LMAN2: variants seen among roughly 807,000 people sequenced by gnomAD.
The protein encoded by LMAN2 is vesicular integral-membrane protein VIP36.
Under a neutral mutation model 39.3 loss-of-function variants are expected in LMAN2, and 22 were observed. The ratio of observed to expected loss-of-function variants is 0.56; its 90% CI spans 0.40 to 0.80. The LOEUF is 0.80. Ranked by LOEUF, LMAN2 falls within the 30% of genes least tolerant of loss-of-function variation. The pLI is 0.00. For synonymous variants in LMAN2, 207 were observed against 207.8 expected (o/e 1.00, Z 0.03); for missense variants, 494 against 505.4 (o/e 0.98, Z 0.22).
chr5:177,347,732 ACAT>A (rs1232349030), intron 2 of LMAN2, among the ~76,000 whole-genome samples: 1 of 152,192 alleles, frequency 6.6e-6, no homozygotes, highest in Admixed American at 6.5e-5. Context: ...GTCAGCCGAA[ACAT>A]CATCAAAAAT....
In LMAN2 at chr5:177,351,237, G is replaced by A; in HGVS notation, c.251C>T (p.Thr84Met). The change falls in exon 2 of 8, where the codon ACG becomes ATG. Residue 84 changes from threonine to methionine, a missense_variant. Coordinates refer to ENST00000303127, the MANE Select transcript of LMAN2 (RefSeq NM_006816.3). Reference protein sequence around the residue: ...LWDFQGSTMLTSQYVRLTPDE... With the variant: ...LWDFQGSTMLMSQYVRLTPDE... The stretch of plus-strand genomic sequence containing the variant: ...AGGGGTCAGACGTACGTACTGGCTC[G>A]TGAGCATAGTGCTGCCCTGGAAGTC... 1 of 1,613,960 alleles carries A rather than the reference G, an allele frequency of 6.2e-7. No homozygotes were observed. Among genetic ancestry groups the A allele is most frequent in the Non-Finnish European group, 8.5e-7 (1 of 1,179,984 alleles).
At chr5:177,342,808 C>T (rs76071193) in intron 2 of LMAN2, among the ~76,000 whole-genome samples, 1 of 94,246 alleles carries the variant, frequency 1.1e-5, no homozygotes, top group Admixed American at 1.1e-4. Flanking sequence ...AAAGCACAGA[C>T]AAAAAAAAAA....
chr5:177,337,377 G>A lies in LMAN2; in HGVS notation c.661C>T (p.Arg221Trp), dbSNP rs139732914. 5.8e-5 allele frequency: 94 copies of A among 1,611,434 alleles called. No homozygotes were observed. The highest frequency in any genetic ancestry group is 5.3e-5 in the Non-Finnish European group (63 of 1,179,946). ...AGCCTGCTCACCGTCAGACGGCCCC[G>A]GGAGTAGCGCACAGCCAGGAAGGTG... The part of the protein sequence containing the change: ...HDTFLAVRYS[R>W]GRLTVMTDLE... Residue 221 changes from arginine (R) to tryptophan (W), a missense_variant, in exon 5 of 8, where the codon CGG (arginine) becomes TGG (tryptophan). Arg to Trp is a moderately radical substitution (Grantham distance 101). Transcript: ENST00000303127. This position sits in a 1 kb window ranked among gnomAD's most constrained non-coding sequence, Gnocchi z 8.2.
chr5:177,348,127 T>C (rs1225973210), intron 2 of LMAN2, among the ~76,000 whole-genome samples: 1 of 152,128 alleles, frequency 6.6e-6, no homozygotes, highest in African/African-American at 2.4e-5. Flanking sequence ...TACTGAGATC[T>C]CATGTTTCAA....
chr5:177,332,124 ACACCACGGCCCC>A lies in LMAN2; in HGVS notation c.1021_1032del (p.Gly341_Val344del). Reference sequence around the variant, plus strand: ...TTGTTCCGCTCCTGCCGCTTCTGGAACACCACGGCCCCCACCACGGCGCAGACAACGATGCCC... The same window carrying A: ...TTGTTCCGCTCCTGCCGCTTCTGGAACACCACGGCGCAGACAACGATGCCC... On this transcript the variant is annotated inframe_deletion, in exon 8 of 8. Transcript: ENST00000303127. The surrounding 1 kb of genome is among the most constrained non-coding windows in gnomAD (Gnocchi z 6.3). 1 of 1,613,516 alleles carries A rather than the reference ACACCACGGCCCC, an allele frequency of 6.2e-7. No individual in the cohort carries two copies. Among genetic ancestry groups the A allele is most frequent in the Non-Finnish European group, 8.5e-7 (1 of 1,179,870 alleles).
At chr5:177,338,331 G>T (rs1320075108) in intron 3 of LMAN2, among the ~76,000 whole-genome samples, 157 bp downstream of exon 3, 2 of 152,320 alleles carry the variant, frequency 1.3e-5, no homozygotes, top group East Asian at 3.9e-4. Flanking sequence ...CCTTCCGGAG[G>T]CGCAGGACTT....
chr5:177,337,148 C>A lies in LMAN2; in HGVS notation c.778G>T (p.Gly260Cys). ...CCGGCCCACTCACCAGACAGGTCGC[C>A]GGTGCCGGCGGAGGCCCCGAAGTAG... ...GYYFGASAGT[G>C]DLSDNHDIIS... The change falls in exon 6 of 8, where the codon GGC (glycine) becomes TGC (cysteine). Residue 260 changes from glycine to cysteine, a missense_variant. Transcript: ENST00000303127. This position sits in a 1 kb window ranked among gnomAD's most constrained non-coding sequence, Gnocchi z 8.2. 1 of 1,612,954 alleles carries A rather than the reference C, an allele frequency of 6.2e-7. No individual in the cohort carries two copies. The highest frequency in any genetic ancestry group is 8.5e-7 in the Non-Finnish European group (1 of 1,179,668).
At position 177,332,134 on chromosome 5, in the gene LMAN2, CCCCACCACGGCG is replaced by C; in HGVS notation, c.1011_1022del (p.Cys337_Gly341delinsTrp). On this transcript the variant is annotated inframe_deletion, in exon 8 of 8. Coordinates refer to ENST00000303127, the MANE Select transcript of LMAN2 (RefSeq NM_006816.3). This position sits in a 1 kb window ranked among gnomAD's most constrained non-coding sequence, Gnocchi z 6.3. Reference sequence around the variant, plus strand: ...CCTGCCGCTTCTGGAACACCACGGCCCCCACCACGGCGCAGACAACGATGCCCAGGAGAGCGC... The same window carrying C: ...CCTGCCGCTTCTGGAACACCACGGCCCAGACAACGATGCCCAGGAGAGCGC... 1 of 1,613,686 alleles carries C rather than the reference CCCCACCACGGCG, an allele frequency of 6.2e-7. No individual in the cohort carries two copies. The highest frequency in any genetic ancestry group is 8.5e-7 in the Non-Finnish European group (1 of 1,179,946).
chr5:177,331,614 C>T lies in LMAN2; in HGVS notation c.*472G>A, dbSNP rs1761382790. Reference sequence around the variant, plus strand: ...CAAACGGTCACACTCGGCCCCACCACACCGCGCCTGCAGCCTCACTTGAGC... The same window carrying T: ...CAAACGGTCACACTCGGCCCCACCATACCGCGCCTGCAGCCTCACTTGAGC... On this transcript the variant is annotated 3_prime_UTR_variant, in exon 8 of 8. Transcript: ENST00000303127. The T allele has an allele frequency of 6.5e-6, 1 of 154,620 alleles. No homozygotes were observed. The highest frequency in any genetic ancestry group is 2.0e-4 in the South Asian group (1 of 4,974). 9.6% of individuals were successfully genotyped at this position (154,620 alleles called of 1,614,324 possible).
At chr5:177,340,516 G>C (rs998644570) in intron 2 of LMAN2, among the ~76,000 whole-genome samples, 5 of 152,094 alleles carry the variant, frequency 3.3e-5, no homozygotes, top group African/African-American at 1.2e-4. Flanking sequence ...AGTGGCTCAC[G>C]CCTGTAATCT....
intron 6 of LMAN2, chr5:177,336,931 A>G (rs1418531763): frequency 5.0e-6 from 3 of 595,784 alleles, no homozygotes; most frequent in Admixed American, 3.0e-5. Flanking sequence ...TTACAGAAGA[A>G]AGGAGGAGGA....
chr5:177,341,022 T>C (rs1334980945), intron 2 of LMAN2, among the ~76,000 whole-genome samples: 1 of 151,110 alleles, frequency 6.6e-6, no homozygotes, highest in African/African-American at 2.4e-5. Flanking sequence ...CCCAAAGTGC[T>C]GAGATTACAG....
chr5:177,341,451 C>T (rs1018191537), intron 2 of LMAN2, among the ~76,000 whole-genome samples: 1 of 152,116 alleles, frequency 6.6e-6, no homozygotes, highest in Non-Finnish European at 1.5e-5. Flanking sequence ...AGCCTGACAC[C>T]CGGCTTCACG....
chr5:177,349,628 T>C (rs1245135204), intron 2 of LMAN2, among the ~76,000 whole-genome samples: 3 of 152,246 alleles, frequency 2.0e-5, no homozygotes, highest in Admixed American at 6.5e-5. Context: ...TGTAAGCCAC[T>C]GTCTTAGATG....
At chr5:177,348,583 G>A (rs1445565488) in intron 2 of LMAN2, among the ~76,000 whole-genome samples, 1 of 151,640 alleles carries the variant, frequency 6.6e-6, no homozygotes, top group Non-Finnish European at 1.5e-5. Flanking sequence ...AGCTACTGGG[G>A]AGGCTGAGGC....
At chr5:177,333,704 C>T (rs1020016963) in intron 7 of LMAN2, among the ~76,000 whole-genome samples, 1 of 152,264 alleles carries the variant, frequency 6.6e-6, no homozygotes, top group African/African-American at 2.4e-5. Flanking sequence ...TGCCTCATTC[C>T]TCCAACCACA....
chr5:177,345,077 A>G (rs1050149182), intron 2 of LMAN2, among the ~76,000 whole-genome samples: 1 of 151,842 alleles, frequency 6.6e-6, no homozygotes, highest in African/African-American at 2.4e-5. Context: ...GCAGTGGCTC[A>G]TGCCTGTAAT....
At chr5:177,338,379 G>T in intron 3 of LMAN2, 109 bp downstream of exon 3, 1 of 809,006 alleles carries the variant, frequency 1.2e-6, no homozygotes. Flanking sequence ...CAGGAGAGGA[G>T]ACGCTGGTCC....
At chr5:177,339,725 G>A (rs1287232967) in intron 2 of LMAN2, among the ~76,000 whole-genome samples, 3 of 152,168 alleles carry the variant, frequency 2.0e-5, no homozygotes, top group African/African-American at 7.2e-5. Flanking sequence ...AGGAGTAAAG[G>A]AACATGAACC....
Sources: gnomAD v4.1 joint callset for allele counts (sites outside exome capture counted in the v4.1 genomes callset) on GRCh38, gnomAD v4.1.1 for gene constraint, Gnocchi (gnomAD v3.1) non-coding constraint, MANE v1.5 for transcripts, NCBI Gene and HGNC (gene_info 2026-07-23, HGNC 2026-07-21) for gene names.